The following NEGR1 variants were observed in gnomAD, a reference collection of about 807,000 sequenced individuals.
NEGR1 encodes neuronal growth regulator 1.
A neutral mutation model predicts 40.9 loss-of-function variants in NEGR1; 10 were observed. That is an observed-to-expected ratio of 0.24 (90% CI 0.15 to 0.42). NEGR1 has a LOEUF of 0.42. Ranked by LOEUF, NEGR1 falls within the 10% of genes least tolerant of loss-of-function variation. The pLI, the probability that NEGR1 is intolerant of heterozygous loss-of-function variation, is 1.00. For missense variants in NEGR1, 352 were observed against 438.9 expected (o/e 0.80, Z 1.77); for synonymous variants, 185 against 166.8 (o/e 1.11, Z -0.84).
chr1:71,437,649 T>A (rs1646518642), intron 6 of NEGR1, among the ~76,000 whole-genome samples: 1 of 152,194 alleles, frequency 6.6e-6, no homozygotes, highest in Admixed American at 6.5e-5. Flanking sequence ...GTATTTATAT[T>A]CTTTACTTGG....
intron 1 of NEGR1, among the ~76,000 whole-genome samples, chr1:72,190,049 A>C (rs966803729): frequency 6.6e-6 from 1 of 151,542 alleles, no homozygotes; most frequent in Non-Finnish European, 1.5e-5. Flanking sequence ...AGAATCTCTA[A>C]ATTTAATAGT....
chr1:71,421,411 G>A (rs559576784), intron 6 of NEGR1: 1 of 152,000 alleles, frequency 6.6e-6, no homozygotes, highest in Admixed American at 6.5e-5. Context: ...TCGAGGTCAG[G>A]GCTTGAAAAC....
intron 2 of NEGR1, among the ~76,000 whole-genome samples, chr1:71,874,317 G>A (rs1029243636): frequency 8.6e-5 from 13 of 152,046 alleles, no homozygotes; most frequent in South Asian, 4.1e-4. Flanking sequence ...TAGAAGAATC[G>A]AACACTGTAT....
At chr1:72,268,538 A>G (rs150685254) in intron 1 of NEGR1, among the ~76,000 whole-genome samples, 99 of 151,598 alleles carry the variant, frequency 6.5e-4, no homozygotes, top group African/African-American at 2.2e-3. Flanking sequence ...AAACTCACAG[A>G]AAGTGGATAG....
At chr1:71,649,753 G>C (rs181592607) in intron 4 of NEGR1, among the ~76,000 whole-genome samples, 2 of 152,208 alleles carry the variant, frequency 1.3e-5, no homozygotes, top group Non-Finnish European at 2.9e-5. Flanking sequence ...TGTTCTCCCT[G>C]GCAGAGTTTC....
intron 1 of NEGR1, among the ~76,000 whole-genome samples, chr1:71,994,485 A>G (rs1001585894): frequency 4.0e-5 from 6 of 151,232 alleles, no homozygotes; most frequent in Admixed American, 1.3e-4. Flanking sequence ...CCGAGATGGC[A>G]CTACCGCACT....
chr1:71,997,423 A>G (rs1646514539), intron 1 of NEGR1, among the ~76,000 whole-genome samples: 1 of 152,040 alleles, frequency 6.6e-6, no homozygotes, highest in African/African-American at 2.4e-5. Context: ...CAAAACGTCC[A>G]AGTACAAATG....
In NEGR1 at chr1:71,442,616, AAAAT is replaced by A. The variant is rs1204429777; in HGVS notation, c.941-35050_941-35047del. ...GAGACAGAGTGAGACTCCGTCTCAA[AAAAT>A]AAATAAATAAATAAATTAATGAATT... On this transcript the variant is annotated intron_variant, in intron 6 of 6. Transcript: ENST00000357731. Among the ~76,000 whole-genome samples the A allele has an allele frequency of 1.3e-4, 20 of 152,280 alleles. No individual in the cohort carries two copies. In the East Asian group the frequency reaches 2.7e-3, roughly 21 times the overall value.
chr1:71,679,229 G>A (rs924394274), intron 4 of NEGR1, among the ~76,000 whole-genome samples: 1 of 151,918 alleles, frequency 6.6e-6, no homozygotes, highest in Non-Finnish European at 1.5e-5. Flanking sequence ...TCGAATTCTT[G>A]CTTTTTCATG....
chr1:71,989,571 A>G (rs1280029183), intron 1 of NEGR1, among the ~76,000 whole-genome samples: 1 of 149,324 alleles, frequency 6.7e-6, no homozygotes, highest in Non-Finnish European at 1.5e-5. Context: ...TCCATCTTTA[A>G]AAATGACCCA....
At chr1:72,266,611 G>A (rs1347549720) in intron 1 of NEGR1, among the ~76,000 whole-genome samples, 3 of 150,504 alleles carry the variant, frequency 2.0e-5, no homozygotes, top group Admixed American at 6.7e-5. Context: ...TGTATTAAAT[G>A]CAAGGTAAAT....
At chr1:72,010,791 G>A (rs1483222837) in intron 1 of NEGR1, among the ~76,000 whole-genome samples, 1 of 152,144 alleles carries the variant, frequency 6.6e-6, no homozygotes, top group African/African-American at 2.4e-5. Flanking sequence ...CCTGGAATAT[G>A]ACTGGGTGGA....
At chr1:72,128,440 G>A (rs1032583564) in intron 1 of NEGR1, among the ~76,000 whole-genome samples, 2 of 152,038 alleles carry the variant, frequency 1.3e-5, no homozygotes, top group East Asian at 3.9e-4. Flanking sequence ...ATAATAAACA[G>A]AAGTGCTATC....
chr1:72,236,815 T>C (rs1654563450), intron 1 of NEGR1, among the ~76,000 whole-genome samples: 1 of 152,124 alleles, frequency 6.6e-6, no homozygotes, highest in East Asian at 1.9e-4. Context: ...AGTTTAGATA[T>C]ATAAAATAAT....
intron 1 of NEGR1, among the ~76,000 whole-genome samples, chr1:72,073,279 A>T (rs1647553136): frequency 6.6e-6 from 1 of 152,128 alleles, no homozygotes; most frequent in Admixed American, 6.6e-5. Context: ...TCAGCAAGGC[A>T]GCTTTGTGGG....
chr1:71,442,945 G>A (rs987442217), intron 6 of NEGR1, among the ~76,000 whole-genome samples: 4 of 152,168 alleles, frequency 2.6e-5, no homozygotes, highest in African/African-American at 4.8e-5. Context: ...CTAGACTCTA[G>A]TGTGTTTAGG....
intron 3 of NEGR1, among the ~76,000 whole-genome samples, chr1:71,700,969 A>G (rs1214842792): frequency 6.6e-6 from 1 of 152,016 alleles, no homozygotes; most frequent in Non-Finnish European, 1.5e-5. Context: ...GAAGTAGAGC[A>G]TGAGCCAAGA....
In NEGR1 at chr1:71,786,234, C is replaced by T. The variant is rs141234665; in HGVS notation, c.410-9937G>A. Among the ~76,000 whole-genome samples, 1,086 of 152,060 alleles carry T rather than the reference C, an allele frequency of 7.1e-3. 10 individuals carry two copies. The highest frequency in any genetic ancestry group is 0.017 in the Middle Eastern group (5 of 292). Reference sequence around the variant, plus strand: ...TATGATTCAATTTAATATAATGCCACCATTTAATAATTATTATTAATAGTT... The same window carrying T: ...TATGATTCAATTTAATATAATGCCATCATTTAATAATTATTATTAATAGTT... On this transcript the variant is annotated intron_variant, in intron 2 of 6. Transcript: ENST00000357731.
intron 6 of NEGR1, among the ~76,000 whole-genome samples, chr1:71,576,255 G>GT (rs374551957): frequency 7.4e-4 from 112 of 152,012 alleles, no homozygotes; most frequent in South Asian, 2.5e-3. Flanking sequence ...GCTGTTTTGG[G>GT]TTTTTTTTGT....
Sources: allele counts gnomAD v4.1 joint callset (sites outside exome capture counted in the v4.1 genomes callset), GRCh38; gene constraint gnomAD v4.1.1; transcripts MANE v1.5; gene names NCBI Gene and HGNC (gene_info 2026-07-23, HGNC 2026-07-21).